Variants in TMTC3 observed in about 807,000 individuals in gnomAD.
The protein encoded by TMTC3 is transmembrane O-mannosyltransferase targeting cadherins 3, also known as protein O-mannosyl-transferase TMTC3.
In TMTC3, 52 loss-of-function variants were observed where a neutral mutation model predicts 92.2. The ratio of observed to expected loss-of-function variants is 0.56; its 90% CI spans 0.45 to 0.71. The LOEUF (loss-of-function observed/expected upper bound fraction) is 0.71. TMTC3 is among the 30% of genes least tolerant of loss of function. TMTC3 has a pLI of 0.00. For missense variants in TMTC3, 896 were observed against 1,057.1 expected (o/e 0.85, Z 2.11); for synonymous variants, 339 against 363.3 (o/e 0.93, Z 0.76).
At chr12:88,168,805 T>A (rs577938908) in intron 7 of TMTC3, among the ~76,000 whole-genome samples, 2 of 152,312 alleles carry the variant, frequency 1.3e-5, no homozygotes, top group South Asian at 4.1e-4. Flanking sequence ...TTAAAGATGT[T>A]TAAGGCTGGA....
At chr12:88,160,268 A>G (rs1369428273) in intron 5 of TMTC3, 39 bp downstream of exon 5, 1 of 1,198,572 alleles carries the variant, frequency 8.3e-7, no homozygotes, top group Admixed American at 2.7e-5. Flanking sequence ...TCTTATTGAT[A>G]TATTTTATCC....
chr12:88,160,460 T>C (rs550334886), intron 5 of TMTC3, among the ~76,000 whole-genome samples: 2 of 152,230 alleles, frequency 1.3e-5, no homozygotes, highest in African/African-American at 4.8e-5. Context: ...ATGGAATCAT[T>C]AGGCAGCTTG....
At chr12:88,154,239 T>G in intron 3 of TMTC3, 49 bp from the exon 4 acceptor site, 1 of 1,290,826 alleles carries the variant, frequency 7.7e-7, no homozygotes, top group South Asian at 1.3e-5. Flanking sequence ...ATAGTAATTT[T>G]TCAAGATATT....
At chr12:88,166,880 A>G (rs370883303) in intron 7 of TMTC3, among the ~76,000 whole-genome samples, 2 of 152,116 alleles carry the variant, frequency 1.3e-5, no homozygotes, top group African/African-American at 4.8e-5. Flanking sequence ...AGAACATCAT[A>G]TAAGATATAC....
intron 10 of TMTC3, among the ~76,000 whole-genome samples, chr12:88,180,404 G>C (rs2041304472): frequency 6.6e-6 from 1 of 152,146 alleles, no homozygotes; most frequent in Non-Finnish European, 1.5e-5. Flanking sequence ...GTGAAAGAAA[G>C]GCGGATTTAG....
chr12:88,161,611 CTCA>C (rs1279169723), intron 6 of TMTC3, among the ~76,000 whole-genome samples: 2 of 151,548 alleles, frequency 1.3e-5, no homozygotes, highest in Non-Finnish European at 2.9e-5. Context: ...TTCTCTTTGT[CTCA>C]TCTAATCTTT....
At chr12:88,144,985 GCCTTCTTTCTGC>G (rs2040854890) in intron 1 of TMTC3, among the ~76,000 whole-genome samples, 1 of 152,174 alleles carries the variant, frequency 6.6e-6, no homozygotes, top group African/African-American at 2.4e-5. Flanking sequence ...GTCTGGACCT[GCCTTCTTTCTGC>G]CCTAGGCTTT....
chr12:88,171,797 G>C (rs1339557607), intron 7 of TMTC3, among the ~76,000 whole-genome samples: 1 of 152,034 alleles, frequency 6.6e-6, no homozygotes, highest in Admixed American at 6.6e-5. Flanking sequence ...TTTGCTTAAT[G>C]GCAATGCTAA....
At chr12:88,188,242 T>C (rs964357513) in intron 10 of TMTC3, among the ~76,000 whole-genome samples, 4 of 152,194 alleles carry the variant, frequency 2.6e-5, no homozygotes, top group African/African-American at 9.6e-5. Context: ...TTTTTCAGTC[T>C]CTTTGCCCCT....
At chr12:88,163,078 G>A (rs748983854) in intron 6 of TMTC3, among the ~76,000 whole-genome samples, 2 of 151,956 alleles carry the variant, frequency 1.3e-5, no homozygotes, top group Non-Finnish European at 2.9e-5. Flanking sequence ...ACCACGCCCA[G>A]CTGATTTTTG....
intron 8 of TMTC3, among the ~76,000 whole-genome samples, chr12:88,174,304 G>A (rs987772062): frequency 1.3e-5 from 2 of 152,014 alleles, no homozygotes; most frequent in Non-Finnish European, 2.9e-5. Flanking sequence ...AGGACTGTAA[G>A]TGTAAAAAGT....
chr12:88,145,818 G>A (rs1177786396), intron 1 of TMTC3, among the ~76,000 whole-genome samples: 2 of 152,114 alleles, frequency 1.3e-5, no homozygotes, highest in South Asian at 4.1e-4. Context: ...AAGAACAAAA[G>A]GAGAGCAGTT....
At chr12:88,158,579 G>A (rs989174126) in intron 4 of TMTC3, among the ~76,000 whole-genome samples, 5 of 150,820 alleles carry the variant, frequency 3.3e-5, no homozygotes, top group African/African-American at 1.2e-4. Context: ...CTTTGTTTTC[G>A]GTTATTTTTT....
intron 13 of TMTC3, among the ~76,000 whole-genome samples, chr12:88,193,701 T>G (rs528038772): frequency 2.0e-5 from 3 of 152,114 alleles, no homozygotes; most frequent in Non-Finnish European, 4.4e-5. Context: ...CAAATTTTCT[T>G]TATCCATCGT....
At position 88,172,732 on chromosome 12, in the gene TMTC3, A is replaced by G. The variant is rs2041219148; in HGVS notation, c.1186A>G (p.Ile396Val). Residue 396 changes from isoleucine to valine, a missense_variant, in exon 8 of 14, where the codon ATA (isoleucine) becomes GTA (valine). Transcript: ENST00000266712. ...CILVAHGWQK[I>V]STKSVFKKLS... is the part of the protein sequence containing the mutation. ...TTTGGTAGCCCATGGATGGCAGAAA[A>G]TATCAACAAAAAGGTGAATTTAAAT... 1.9e-6 allele frequency: 3 copies of G among 1,597,586 alleles called. No homozygotes were observed. In the African/African-American group the frequency reaches 4.1e-5, roughly 22 times the overall value.
At position 88,190,494 on chromosome 12, in the gene TMTC3, C is replaced by T; in HGVS notation, c.1578C>T (p.Asn526=). 2 of 1,613,772 alleles carry T rather than the reference C, an allele frequency of 1.2e-6. No homozygotes were observed. Among genetic ancestry groups the T allele is most frequent in the Non-Finnish European group, 1.7e-6 (2 of 1,179,802 alleles). The part of the protein sequence containing the change: ...GKKYAARIAP[N]HLNVYINLAN... Reference sequence around the variant, plus strand: ...AATATGCAGCCAGAATTGCCCCTAACCACCTAAATGTTTATATCAATCTGG... The same window carrying T: ...AATATGCAGCCAGAATTGCCCCTAATCACCTAAATGTTTATATCAATCTGG... The change falls in exon 12 of 14, where the codon AAC becomes AAT. Residue 526 remains asparagine, a synonymous_variant. Coordinates refer to ENST00000266712, the MANE Select transcript of TMTC3 (RefSeq NM_181783.4).
At chr12:88,159,309 T>C (rs546062882) in intron 4 of TMTC3, among the ~76,000 whole-genome samples, 7 of 152,314 alleles carry the variant, frequency 4.6e-5, no homozygotes, top group African/African-American at 9.6e-5. Context: ...ATAGAACTTA[T>C]AGTCTATTGC....
chr12:88,195,164 C>T lies in TMTC3; in HGVS notation c.2260C>T (p.Leu754=), dbSNP rs376965285. Residue 754 remains leucine, a synonymous_variant, in exon 14 of 14, where the codon CTA becomes TTA. Coordinates refer to ENST00000266712, the MANE Select transcript of TMTC3 (RefSeq NM_181783.4). ...DILMNQKKDI[L]GAKKCFERIL... is the part of the protein sequence containing the mutation. Reference sequence around the variant, plus strand: ...TCTGATGAATCAAAAGAAAGATATACTAGGAGCAAAAAAATGTTTTGAAAG... The same window carrying T: ...TCTGATGAATCAAAAGAAAGATATATTAGGAGCAAAAAAATGTTTTGAAAG... 18 of 1,613,586 alleles carry T rather than the reference C, an allele frequency of 1.1e-5. No homozygotes were observed. In the African/African-American group the frequency reaches 2.3e-4, roughly 20 times the overall value.
intron 1 of TMTC3, among the ~76,000 whole-genome samples, chr12:88,144,084 T>A (rs1262656411): frequency 2.0e-5 from 3 of 152,216 alleles, no homozygotes; most frequent in African/African-American, 7.2e-5. Context: ...TCTCGCCATC[T>A]TGGATTTGGT....
Sources: gnomAD v4.1 joint callset for allele counts (sites outside exome capture counted in the v4.1 genomes callset) on GRCh38, gnomAD v4.1.1 for gene constraint, MANE v1.5 for transcripts, NCBI Gene and HGNC (gene_info 2026-07-23, HGNC 2026-07-21) for gene names.